The following ZC3H11A variants were observed in gnomAD, a reference collection of about 807,000 sequenced individuals.
ZC3H11A encodes zinc finger CCCH domain-containing protein 11A.
ZC3H11A carries 22 observed loss-of-function variants against 90.8 expected under a neutral mutation model. The observed-to-expected ratio is 0.24, with a 90% CI of 0.17 to 0.35. ZC3H11A has a LOEUF of 0.35. Among genes scored for constraint, ZC3H11A ranks in the 10% least tolerant of loss-of-function variants. The pLI, the probability that ZC3H11A is intolerant of heterozygous loss-of-function variation, is 1.00. For missense variants in ZC3H11A, 701 were observed against 964.9 expected (o/e 0.73, Z 3.62); for synonymous variants, 294 against 339.8 (o/e 0.87, Z 1.48).
chr1:203,797,971 T>C, intron 1 of ZC3H11A: 1 of 1,535,662 alleles, frequency 6.5e-7, no homozygotes, highest in Non-Finnish European at 8.7e-7. Context: ...TGGCGGGCCA[T>C]TTGTAACCTC....
chr1:203,798,038 T>G, intron 1 of ZC3H11A: 1 of 1,535,184 alleles, frequency 6.5e-7, no homozygotes, highest in Non-Finnish European at 8.7e-7. Context: ...CATCTACTCT[T>G]CAACGACATC....
intron 11 of ZC3H11A, among the ~76,000 whole-genome samples, chr1:203,839,017 G>A (rs1685257310): frequency 6.6e-6 from 1 of 151,260 alleles, no homozygotes; most frequent in Non-Finnish European, 1.5e-5. Context: ...AGGCTCAAAT[G>A]TGCATTTTAA....
chr1:203,833,813 G>C lies in ZC3H11A; in HGVS notation c.834G>C (p.Leu278Phe). 1 of 1,609,504 alleles carries C rather than the reference G, an allele frequency of 6.2e-7. No individual in the cohort carries two copies. The highest frequency in any genetic ancestry group is 1.1e-5 in the South Asian group (1 of 89,966). ...CAGGAGAAGAACCCTTGGTTAGATT[G>C]AGTCTTACTGAGAGACTGGGGAAAC... ...TKQGEEPLVR[L>F]SLTERLGKRK... is the part of the protein sequence containing the mutation. Residue 278 changes from leucine to phenylalanine, a missense_variant, in exon 10 of 18, where the codon TTG (leucine) becomes TTC (phenylalanine). Around this residue, in one of 4 missense-constraint regions of ZC3H11A, gnomAD observed 530 missense variants for 696.2 expected, o/e 0.76. Coordinates refer to ENST00000367210, the MANE Select transcript of ZC3H11A (RefSeq NM_001376342.1).
chr1:203,848,960 C>G (rs1361060954), intron 14 of ZC3H11A, among the ~76,000 whole-genome samples: 1 of 152,212 alleles, frequency 6.6e-6, no homozygotes, highest in East Asian at 1.9e-4. Flanking sequence ...TCTCGGTTCA[C>G]TGCAACCTTT....
At chr1:203,846,874 G>A (rs1332702403) in intron 12 of ZC3H11A, among the ~76,000 whole-genome samples, 1 of 151,894 alleles carries the variant, frequency 6.6e-6, no homozygotes, top group Non-Finnish European at 1.5e-5. Context: ...CTTGGTGGTG[G>A]GTACCTGTAG....
chr1:203,831,524 A>G, intron 8 of ZC3H11A, 137 bp from the exon 9 acceptor site: 1 of 668,330 alleles, frequency 1.5e-6, no homozygotes, highest in South Asian at 1.9e-5. Context: ...AGGCAAACAG[A>G]TACAGAAAGG....
At chr1:203,823,778 A>G (rs890411165) in intron 4 of ZC3H11A, among the ~76,000 whole-genome samples, 1 of 152,250 alleles carries the variant, frequency 6.6e-6, no homozygotes, top group African/African-American at 2.4e-5. Flanking sequence ...TGCTTATTGT[A>G]GCAATTTGTA....
chr1:203,850,849 A>AAGT (rs1296206482), intron 16 of ZC3H11A, among the ~76,000 whole-genome samples, 168 bp downstream of exon 16: 1 of 152,202 alleles, frequency 6.6e-6, no homozygotes, highest in Non-Finnish European at 1.5e-5. Context: ...GATATTTGTG[A>AAGT]AGTAGCAGGA....
At chr1:203,805,209 A>C (rs1463678424) in intron 2 of ZC3H11A, among the ~76,000 whole-genome samples, 4 of 146,828 alleles carry the variant, frequency 2.7e-5, no homozygotes, top group African/African-American at 1.0e-4. Context: ...ATCTTGGCTC[A>C]CTGGACCTCC....
At chr1:203,832,143 C>G (rs1022735495) in intron 9 of ZC3H11A, among the ~76,000 whole-genome samples, 7 of 152,130 alleles carry the variant, frequency 4.6e-5, no homozygotes, top group African/African-American at 1.7e-4. Flanking sequence ...ACCGCAGCCT[C>G]CGTCTTCTGG....
intron 2 of ZC3H11A, among the ~76,000 whole-genome samples, chr1:203,809,170 C>CTTTT (rs1673410840): frequency 2.3e-5 from 2 of 87,004 alleles, no homozygotes; most frequent in East Asian, 7.6e-4. Context: ...TTTCTTCTCA[C>CTTTT]TGTTTTTTTT....
chr1:203,842,295 C>T (rs1402845905), intron 12 of ZC3H11A, among the ~76,000 whole-genome samples: 1 of 152,196 alleles, frequency 6.6e-6, no homozygotes, highest in East Asian at 1.9e-4. Context: ...CCACTGCACT[C>T]CAGCCTGGGC....
chr1:203,818,599 A>C lies in ZC3H11A; in HGVS notation c.84A>C (p.Glu28Asp), dbSNP rs151107670. ...KGDSCPFRHC[E>D]AAIGNETVCT... ...ACAGCTGCCCATTCCGTCACTGTGA[A>C]GCTGCAATAGGAAATGAAACTGTTT... The change falls in exon 4 of 18, where the codon GAA becomes GAC. Residue 28 changes from glutamate (E) to aspartate (D), a missense_variant. Coordinates refer to ENST00000367210, the MANE Select transcript of ZC3H11A (RefSeq NM_001376342.1). The C allele has an allele frequency of 3.7e-5, 60 of 1,614,000 alleles. No homozygotes were observed. Among genetic ancestry groups the C allele is most frequent in the Non-Finnish European group, 5.1e-5 (60 of 1,180,034 alleles).
intron 1 of ZC3H11A, chr1:203,800,988 A>T (rs7553809): frequency 0.11 from 17,028 of 152,270 alleles, 1,191 homozygotes; most frequent in Non-Finnish European, 0.15. Flanking sequence ...GGTCAGCTTT[A>T]TAATTTCAAA....
At chr1:203,825,732 G>A (rs976326564) in intron 4 of ZC3H11A, among the ~76,000 whole-genome samples, 11 of 151,934 alleles carry the variant, frequency 7.2e-5, no homozygotes, top group African/African-American at 2.7e-4. Context: ...GCATGTGGAG[G>A]ATATTACTAA....
chr1:203,848,689 C>T (rs954469382), intron 14 of ZC3H11A, among the ~76,000 whole-genome samples: 6 of 152,148 alleles, frequency 3.9e-5, no homozygotes, highest in Admixed American at 1.3e-4. Context: ...AGATTGAGAC[C>T]GTCCTGGCTA....
At chr1:203,799,860 G>T in intron 1 of ZC3H11A, 1 of 1,534,212 alleles carries the variant, frequency 6.5e-7, no homozygotes. Flanking sequence ...CAGTTTGGAA[G>T]ACTTTTTTCC....
At chr1:203,835,809 G>T in intron 10 of ZC3H11A, 1 of 239,552 alleles carries the variant, frequency 4.2e-6, no homozygotes, top group East Asian at 1.0e-4. Flanking sequence ...TTCATCTGGG[G>T]CATAAACACC....
intron 2 of ZC3H11A, among the ~76,000 whole-genome samples, chr1:203,815,493 A>G (rs1410962116): frequency 1.3e-5 from 2 of 150,396 alleles, no homozygotes; most frequent in African/African-American, 4.9e-5. Context: ...TGCTGGGATT[A>G]TAGGTATGAG....
Sources: allele counts gnomAD v4.1 joint callset (sites outside exome capture counted in the v4.1 genomes callset), GRCh38; gene constraint gnomAD v4.1.1; regional missense constraint gnomAD v4.1.1; transcripts MANE v1.5; gene names NCBI Gene and HGNC (gene_info 2026-07-23, HGNC 2026-07-21).